The following GPC5 variants were observed in gnomAD, a reference collection of about 807,000 sequenced individuals.
GPC5 encodes the protein glypican-5.
A neutral mutation model predicts 53.9 loss-of-function variants in GPC5; 47 were observed. The ratio of observed to expected loss-of-function variants is 0.87; its 90% CI spans 0.69 to 1.11. The LOEUF is 1.11. Ranked by LOEUF, GPC5 falls within the 50% of genes most tolerant of loss-of-function variation. GPC5 has a pLI of 0.00. For missense variants in GPC5, 748 were observed against 713.1 expected, an observed-to-expected ratio of 1.05 and a Z score of -0.56; for synonymous variants, 286 against 263.3, an observed-to-expected ratio of 1.09 and a Z score of -0.84.
chr13:91,904,578 C>G (rs1310502790), intron 5 of GPC5, among the ~76,000 whole-genome samples: 1 of 151,850 alleles, frequency 6.6e-6, no homozygotes, highest in Admixed American at 6.6e-5. Context: ...GTTACTTAAC[C>G]TTTCCAGATC....
intron 5 of GPC5, among the ~76,000 whole-genome samples, chr13:91,903,947 AAG>A (rs1018525624): frequency 3.8e-4 from 58 of 152,136 alleles, no homozygotes; most frequent in African/African-American, 1.4e-3. Flanking sequence ...AAATTAAGAA[AAG>A]AGTCTCAGTT....
intron 6 of GPC5, among the ~76,000 whole-genome samples, chr13:92,087,471 T>C (rs1186614484): frequency 1.3e-5 from 2 of 152,192 alleles, no homozygotes; most frequent in Non-Finnish European, 2.9e-5. Context: ...TAAATGCCAA[T>C]TTCAAAAAAA....
At chr13:92,066,076 CT>C (rs1249096245) in intron 6 of GPC5, among the ~76,000 whole-genome samples, 3 of 151,868 alleles carry the variant, frequency 2.0e-5, no homozygotes, top group African/African-American at 4.8e-5. Context: ...ATTGGGAATT[CT>C]TTTTTTGAAG....
chr13:92,377,805 A>G (rs549984159), intron 7 of GPC5, among the ~76,000 whole-genome samples: 1 of 152,350 alleles, frequency 6.6e-6, no homozygotes, highest in Admixed American at 6.5e-5. Flanking sequence ...CTTAGGTTTG[A>G]ACAATTCATT....
At chr13:92,205,775 G>A (rs1394694466) in intron 7 of GPC5, among the ~76,000 whole-genome samples, 2 of 152,106 alleles carry the variant, frequency 1.3e-5, no homozygotes, top group African/African-American at 2.4e-5. Flanking sequence ...GGCCAGGCGC[G>A]GTGGCTCACG....
rs539240682 is a variant in GPC5 at position 92,546,421 on chromosome 13, C to T, written c.1562-319861C>T. 3.5e-3 allele frequency among the ~76,000 whole-genome samples: 538 copies of T among 152,138 alleles called. 1 individual carries two copies. The highest frequency in any genetic ancestry group is 0.012 in the African/African-American group (499 of 41,490). Reference sequence around the variant, plus strand: ...ATGAGTGAACTCCCATTCACAATTGCTTCAAAGAGAATAAATTACCTAGGA... The same window carrying T: ...ATGAGTGAACTCCCATTCACAATTGTTTCAAAGAGAATAAATTACCTAGGA... On this transcript the variant is annotated intron_variant, in intron 7 of 7. Transcript: ENST00000377067.
At chr13:91,773,292 A>C (rs1265766577) in intron 5 of GPC5, among the ~76,000 whole-genome samples, 1 of 152,200 alleles carries the variant, frequency 6.6e-6, no homozygotes, top group Non-Finnish European at 1.5e-5. Context: ...CGTTTTAAAA[A>C]TCACTGCTCT....
intron 7 of GPC5, among the ~76,000 whole-genome samples, chr13:92,626,236 A>T (rs1885041341): frequency 6.6e-6 from 1 of 152,200 alleles, no homozygotes; most frequent in Non-Finnish European, 1.5e-5. Context: ...TATTAATTTC[A>T]TTGAAAATAT....
chr13:92,331,563 G>A (rs781477796), intron 7 of GPC5, among the ~76,000 whole-genome samples: 1 of 152,138 alleles, frequency 6.6e-6, no homozygotes, highest in Non-Finnish European at 1.5e-5. Flanking sequence ...AACACTGGCA[G>A]TGTTAATAAC....
rs148413601 is a variant in GPC5, at chr13:92,307,748, G to T, written c.1561+162759G>T. 8.8e-4 allele frequency among the ~76,000 whole-genome samples: 134 copies of T among 152,258 alleles called. 1 individual carries two copies. The East Asian group carries it at 0.012, about 13-fold the overall frequency. ...AGGTAGGTGCTGGGATAAAGGAAGA[G>T]AAAAAGAGAAAACAAAGGAAGGAAA... On this transcript the variant is annotated intron_variant, in intron 7 of 7. Coordinates refer to ENST00000377067, the MANE Select transcript of GPC5 (RefSeq NM_004466.6).
intron 4 of GPC5, among the ~76,000 whole-genome samples, chr13:91,743,878 T>C (rs1206148625): frequency 6.6e-6 from 1 of 152,296 alleles, no homozygotes; most frequent in South Asian, 2.1e-4. Flanking sequence ...TTTGTTTTTG[T>C]TTAGGCTCAT....
chr13:91,820,989 A>T lies in GPC5; in HGVS notation c.1280+64569A>T, dbSNP rs2038486104. Among the ~76,000 whole-genome samples the T allele has an allele frequency of 5.9e-5, 9 of 151,526 alleles. No homozygotes were observed. In the South Asian group the frequency reaches 1.9e-3, roughly 31 times the overall value. The stretch of plus-strand genomic sequence containing the variant: ...AAAAAAAAATAAACAAATAAAATAA[A>T]AAAAAAAAAGAATGTACTTCCAGAT... On this transcript the variant is annotated intron_variant, in intron 5 of 7. Coordinates refer to ENST00000377067, the MANE Select transcript of GPC5 (RefSeq NM_004466.6).
intron 7 of GPC5, among the ~76,000 whole-genome samples, chr13:92,202,322 T>C (rs1207487662): frequency 2.0e-5 from 3 of 152,224 alleles, no homozygotes; most frequent in Non-Finnish European, 4.4e-5. Context: ...TTTTGTGTTT[T>C]TCTTAACCTT....
chr13:91,770,777 T>C (rs943785300), intron 5 of GPC5, among the ~76,000 whole-genome samples: 1 of 151,286 alleles, frequency 6.6e-6, no homozygotes, highest in Non-Finnish European at 1.5e-5. Flanking sequence ...CAAGCAAAGA[T>C]TTATATAATT....
At chr13:91,430,172 T>A (rs1879342607) in intron 1 of GPC5, among the ~76,000 whole-genome samples, 2 of 152,178 alleles carry the variant, frequency 1.3e-5, no homozygotes, top group Admixed American at 1.3e-4. Flanking sequence ...AAGGTTCCTC[T>A]AGAAACCCAT....
At chr13:92,254,639 A>C (rs1747750088) in intron 7 of GPC5, among the ~76,000 whole-genome samples, 1 of 152,186 alleles carries the variant, frequency 6.6e-6, no homozygotes, top group Admixed American at 6.6e-5. Flanking sequence ...AAAGAGGTTT[A>C]ATTGACTCAC....
chr13:92,553,991 T>A (rs757119486), intron 7 of GPC5, among the ~76,000 whole-genome samples: 35 of 151,974 alleles, frequency 2.3e-4, no homozygotes, highest in Non-Finnish European at 3.8e-4. Flanking sequence ...GTAAAAATAT[T>A]TTTGTAGCTC....
At chr13:92,334,975 G>A (rs771071346) in intron 7 of GPC5, among the ~76,000 whole-genome samples, 4 of 152,154 alleles carry the variant, frequency 2.6e-5, no homozygotes, top group Non-Finnish European at 5.9e-5. Context: ...GGTGCATGGT[G>A]CAAGCTGTCA....
intron 7 of GPC5, among the ~76,000 whole-genome samples, chr13:92,715,890 C>A (rs918255886): frequency 2.0e-5 from 3 of 152,102 alleles, no homozygotes; most frequent in African/African-American, 7.2e-5. Flanking sequence ...TGTGTGTGTG[C>A]AGAATGCTTA....
Sources: allele counts gnomAD v4.1 joint callset (sites outside exome capture counted in the v4.1 genomes callset), GRCh38; gene constraint gnomAD v4.1.1; transcripts MANE v1.5; gene names NCBI Gene and HGNC (gene_info 2026-07-23, HGNC 2026-07-21).